LRRC4C: variants seen among roughly 807,000 people sequenced by gnomAD.
The protein encoded by LRRC4C is leucine rich repeat containing 4C.
A neutral mutation model predicts 33.6 loss-of-function variants in LRRC4C; 5 were observed. That is an observed-to-expected ratio of 0.15 (90% CI 0.08 to 0.31). LRRC4C has a LOEUF of 0.31. Ranked by LOEUF, LRRC4C falls within the 10% of genes least tolerant of loss-of-function variation. The pLI is 1.00. For missense variants in LRRC4C, 560 were observed against 796.7 expected (o/e 0.70, Z 3.58); for synonymous variants, 329 against 302.0 (o/e 1.09, Z -0.93).
chr11:40,872,031 C>CA (rs1451925210), intron 2 of LRRC4C, among the ~76,000 whole-genome samples: 1 of 152,132 alleles, frequency 6.6e-6, no homozygotes, highest in Non-Finnish European at 1.5e-5. Flanking sequence ...GTCAGGCAGG[C>CA]ATACACTGGA....
intron 2 of LRRC4C, among the ~76,000 whole-genome samples, chr11:40,907,710 G>A (rs751371381): frequency 3.0e-4 from 45 of 152,226 alleles, no homozygotes; most frequent in Non-Finnish European, 4.9e-4. Context: ...TATTCTCAGT[G>A]AAAACACATT....
chr11:41,066,980 C>T (rs1055768100), intron 1 of LRRC4C, among the ~76,000 whole-genome samples: 5 of 152,166 alleles, frequency 3.3e-5, no homozygotes, highest in Middle Eastern at 3.4e-3. Flanking sequence ...ATATGAAAAC[C>T]AATGACATGA....
At chr11:41,368,655 C>T (rs758644782) in intron 1 of LRRC4C, among the ~76,000 whole-genome samples, 33 of 152,260 alleles carry the variant, frequency 2.2e-4, no homozygotes, top group Admixed American at 8.5e-4. Context: ...GTAAAACATA[C>T]GGAAAAATCC....
chr11:40,881,880 C>CATG (rs1955194521), intron 2 of LRRC4C, among the ~76,000 whole-genome samples: 1 of 152,022 alleles, frequency 6.6e-6, no homozygotes, highest in Admixed American at 6.6e-5. Flanking sequence ...TCTTATTGAA[C>CATG]ATGAGCAAGG....
intron 1 of LRRC4C, among the ~76,000 whole-genome samples, chr11:41,234,953 G>A (rs1947953443): frequency 6.6e-6 from 1 of 151,892 alleles, no homozygotes; most frequent in Non-Finnish European, 1.5e-5. Context: ...GATTGCAAAG[G>A]GCCAGAGCCT....
At chr11:40,664,847 C>T (rs1943631352) in intron 2 of LRRC4C, among the ~76,000 whole-genome samples, 1 of 151,834 alleles carries the variant, frequency 6.6e-6, no homozygotes, top group Admixed American at 6.6e-5. Flanking sequence ...CATATGTATA[C>T]ATGTGCCATG....
chr11:41,120,966 T>C (rs1209463534), intron 1 of LRRC4C, among the ~76,000 whole-genome samples: 1 of 152,142 alleles, frequency 6.6e-6, no homozygotes, highest in Non-Finnish European at 1.5e-5. Flanking sequence ...GTGATGATTG[T>C]AAGTTTCCTG....
At chr11:40,576,690 T>C (rs1030740517) in intron 3 of LRRC4C, among the ~76,000 whole-genome samples, 3 of 152,214 alleles carry the variant, frequency 2.0e-5, no homozygotes, top group Non-Finnish European at 4.4e-5. Flanking sequence ...TCTTATTCCC[T>C]TCATAGTTTT....
intron 2 of LRRC4C, among the ~76,000 whole-genome samples, chr11:40,782,027 C>T (rs1008673546): frequency 6.6e-6 from 1 of 152,130 alleles, no homozygotes; most frequent in East Asian, 1.9e-4. Flanking sequence ...ATTTACAATC[C>T]CTTACTTTCA....
chr11:40,406,663 T>G (rs539203880), intron 3 of LRRC4C, among the ~76,000 whole-genome samples: 1 of 152,160 alleles, frequency 6.6e-6, no homozygotes, highest in Admixed American at 6.5e-5. Flanking sequence ...CTCTAGATTA[T>G]GCATATGTTA....
chr11:40,256,454 G>C (rs1247879950), intron 4 of LRRC4C, among the ~76,000 whole-genome samples: 1 of 152,058 alleles, frequency 6.6e-6, no homozygotes, highest in Admixed American at 6.6e-5. Context: ...CTCTGCCCTA[G>C]AATGGCTCAA....
At chr11:40,902,696 T>C (rs568003366) in intron 2 of LRRC4C, among the ~76,000 whole-genome samples, 86 of 152,270 alleles carry the variant, frequency 5.6e-4, no homozygotes, top group Non-Finnish European at 9.7e-4. Context: ...TGACTGCTGA[T>C]ACGGAGAAAG....
chr11:41,170,822 A>G (rs1944942832), intron 1 of LRRC4C, among the ~76,000 whole-genome samples: 1 of 152,234 alleles, frequency 6.6e-6, no homozygotes, highest in South Asian at 2.1e-4. Flanking sequence ...CAGGCAACCT[A>G]CAGAATGGGA....
intron 1 of LRRC4C, among the ~76,000 whole-genome samples, chr11:41,001,341 C>A (rs906351862): frequency 2.0e-5 from 3 of 152,100 alleles, no homozygotes; most frequent in African/African-American, 7.2e-5. Context: ...GAGACCATTG[C>A]CATAAATCAG....
intron 3 of LRRC4C, among the ~76,000 whole-genome samples, chr11:40,569,727 G>A (rs1392620929): frequency 6.6e-6 from 1 of 152,050 alleles, no homozygotes; most frequent in Non-Finnish European, 1.5e-5. Flanking sequence ...TGATCATTAT[G>A]AGTTCAACAT....
intron 2 of LRRC4C, among the ~76,000 whole-genome samples, chr11:40,827,687 T>C (rs1952224028): frequency 6.6e-6 from 1 of 151,844 alleles, no homozygotes; most frequent in South Asian, 2.1e-4. Context: ...TTTTATTTAT[T>C]TTCTCTTGAT....
At chr11:41,137,211 C>T (rs1943303948) in intron 1 of LRRC4C, among the ~76,000 whole-genome samples, 1 of 151,930 alleles carries the variant, frequency 6.6e-6, no homozygotes, top group Non-Finnish European at 1.5e-5. Flanking sequence ...CACTGCACTC[C>T]AGCCTGGGTG....
intron 3 of LRRC4C, among the ~76,000 whole-genome samples, chr11:40,389,581 G>C (rs1166824685): frequency 6.6e-6 from 1 of 152,114 alleles, no homozygotes; most frequent in African/African-American, 2.4e-5. Flanking sequence ...TTGTAAAAGA[G>C]AGAGAAGGAT....
intron 1 of LRRC4C, among the ~76,000 whole-genome samples, chr11:41,413,270 G>T (rs1954558469): frequency 6.6e-6 from 1 of 152,066 alleles, no homozygotes; most frequent in Non-Finnish European, 1.5e-5. Context: ...TTTAGGCTTA[G>T]ATTCAATTAT....
Sources: allele counts gnomAD v4.1 joint callset (sites outside exome capture counted in the v4.1 genomes callset), GRCh38; gene constraint gnomAD v4.1.1; transcripts MANE v1.5; gene names NCBI Gene and HGNC (gene_info 2026-07-23, HGNC 2026-07-21).